SOX13: variants seen among roughly 807,000 people sequenced by gnomAD.
The protein encoded by SOX13 is SRY-box transcription factor 13.
A neutral mutation model predicts 71.8 loss-of-function variants in SOX13; 28 were observed. The observed-to-expected ratio is 0.39, with a 90% confidence interval of 0.29 to 0.53. SOX13 has a LOEUF of 0.53. SOX13 is among the 20% of genes least tolerant of loss of function. SOX13 has a pLI of 0.70. For synonymous variants in SOX13, 309 were observed against 317.8 expected (o/e 0.97, Z 0.29); for missense variants, 627 against 810.3 (o/e 0.77, Z 2.75).
In SOX13 at chr1:204,123,937, A is replaced by C. The variant is rs1431190515; in HGVS notation, c.1375+133A>C. On this transcript the variant is annotated intron_variant, in intron 12 of 13. Transcript: ENST00000367204. The surrounding 1 kb of genome is among the most constrained non-coding windows in gnomAD (Gnocchi z 5.0). ...TGGAATCTGACGACAGGGGTGCAGG[A>C]GTTGCTGGGGATGTGAGGGCAGCTG... 3 of 1,044,996 alleles carry C rather than the reference A, an allele frequency of 2.9e-6. No homozygotes were observed. The East Asian group carries it at 7.8e-5, about 27-fold the overall frequency. The allele number at this position is 1,044,996 out of a possible 1,614,324, so 64.7% of individuals were successfully genotyped here.
Position 204,123,545 on chromosome 1 carries a change from G to T in SOX13, c.1232-116G>T. ...CCTTGCTCCTCCTCGGCTGGCTGCT[G>T]TGGGAGCCTCCTCAGTGCCTCCTGC... On this transcript the variant is annotated intron_variant, in intron 11 of 13. Transcript: ENST00000367204. This position sits in a 1 kb window ranked among gnomAD's most constrained non-coding sequence, Gnocchi z 5.0. 3.5e-6 allele frequency: 4 copies of T among 1,150,472 alleles called. No individual in the cohort carries two copies. The Admixed American group carries it at 9.9e-5, about 28-fold the overall frequency. The allele number at this position is 1,150,472 out of a possible 1,614,324, so 71.3% of individuals were successfully genotyped here.
chr1:204,108,372 G>A (rs534865552), intron 1 of SOX13, among the ~76,000 whole-genome samples: 26 of 152,208 alleles, frequency 1.7e-4, no homozygotes, highest in Non-Finnish European at 3.4e-4. Flanking sequence ...GCCGCATGGG[G>A]CAAGTGGCTG....
At chr1:204,120,161 T>A (rs1287871744) in intron 7 of SOX13, among the ~76,000 whole-genome samples, 1 of 152,246 alleles carries the variant, frequency 6.6e-6, no homozygotes, top group Admixed American at 6.5e-5. Flanking sequence ...TATGGCACTT[T>A]GTTTCAACAG....
chr1:204,089,932 C>T (rs1656107002), intron 1 of SOX13, among the ~76,000 whole-genome samples: 1 of 152,192 alleles, frequency 6.6e-6, no homozygotes, highest in Non-Finnish European at 1.5e-5. Flanking sequence ...TTCAAGGGGC[C>T]AGCATTGCGT....
intron 1 of SOX13, among the ~76,000 whole-genome samples, chr1:204,093,717 GA>G (rs1191191549): frequency 3.9e-5 from 6 of 152,198 alleles, no homozygotes; most frequent in African/African-American, 7.2e-5. Flanking sequence ...CAGGCATACC[GA>G]AAGTGGAATT....
intron 4 of SOX13, among the ~76,000 whole-genome samples, chr1:204,115,492 T>A (rs28505563): frequency 0.014 from 689 of 49,936 alleles, 8 homozygotes; most frequent in South Asian, 0.02. Context: ...TTTTTTTTTT[T>A]AAAAAAAAAA....
chr1:204,085,232 C>G (rs1219773460), intron 1 of SOX13, among the ~76,000 whole-genome samples: 1 of 152,178 alleles, frequency 6.6e-6, no homozygotes, highest in Admixed American at 6.5e-5. Context: ...CAGGCAGCTT[C>G]TGGAGCCAGA....
At chr1:204,091,664 G>T (rs1369005045) in intron 1 of SOX13, among the ~76,000 whole-genome samples, 1 of 152,122 alleles carries the variant, frequency 6.6e-6, no homozygotes, top group Admixed American at 6.6e-5. Context: ...TTGAGTCCTG[G>T]CTCTGCTTCT....
intron 1 of SOX13, among the ~76,000 whole-genome samples, chr1:204,095,553 C>T (rs780103902): frequency 1.3e-5 from 2 of 152,006 alleles, no homozygotes; most frequent in African/African-American, 2.4e-5. Context: ...GTTGTCCCCT[C>T]ACCAGTCAGT....
At chr1:204,110,317 C>G (rs915319665) in intron 1 of SOX13, among the ~76,000 whole-genome samples, 2 of 148,236 alleles carry the variant, frequency 1.3e-5, no homozygotes, top group Non-Finnish European at 3.0e-5. Flanking sequence ...TTTGTAGAGA[C>G]AGGGTCTTGC....
intron 1 of SOX13, among the ~76,000 whole-genome samples, chr1:204,095,822 G>A (rs560646559): frequency 3.9e-4 from 60 of 152,004 alleles, no homozygotes; most frequent in Middle Eastern, 3.4e-3. Flanking sequence ...AAGCAATAGC[G>A]TCCCCTTCCT....
At chr1:204,105,064 C>T (rs190005021) in intron 1 of SOX13, among the ~76,000 whole-genome samples, 9 of 152,174 alleles carry the variant, frequency 5.9e-5, no homozygotes, top group East Asian at 5.8e-4. Context: ...GGAAGAGGAT[C>T]GGCACCTGCA....
chr1:204,120,896 A>G (rs1196397803), intron 7 of SOX13, among the ~76,000 whole-genome samples: 1 of 152,134 alleles, frequency 6.6e-6, no homozygotes, highest in Non-Finnish European at 1.5e-5. Flanking sequence ...CCCTGGGTTC[A>G]AATCCTGATG....
chr1:204,096,035 A>G lies in SOX13; in HGVS notation c.-1-16880A>G, dbSNP rs966729511. Among the ~76,000 whole-genome samples, 4 of 152,156 alleles carry G rather than the reference A, an allele frequency of 2.6e-5. No homozygotes were observed. The South Asian group carries it at 8.3e-4, about 31-fold the overall frequency. On this transcript the variant is annotated intron_variant, in intron 1 of 13. Coordinates refer to ENST00000367204, the MANE Select transcript of SOX13 (RefSeq NM_005686.3). ...CTTAGGGCTGATGATATTCCATTGC[A>G]TGTATATATCATACTTTGTTGATTC...
intron 1 of SOX13, among the ~76,000 whole-genome samples, chr1:204,112,569 A>G (rs1020619645): frequency 6.6e-6 from 1 of 151,622 alleles, no homozygotes. Context: ...TGTTGGGCTC[A>G]GAAACAGCCA....
chr1:204,100,538 C>G (rs957174504), intron 1 of SOX13, among the ~76,000 whole-genome samples: 1 of 152,170 alleles, frequency 6.6e-6, no homozygotes, highest in East Asian at 1.9e-4. Flanking sequence ...CTTCCCTGCC[C>G]TTATTGAAAA....
intron 12 of SOX13, 70 bp from the exon 13 acceptor site, chr1:204,124,571 G>T (rs1457448992): frequency 7.4e-7 from 1 of 1,352,984 alleles, no homozygotes. Context: ...GTCTTCTCAG[G>T]TCCTGCATGG....
rs1437870268 is a variant in SOX13 at position 204,116,672 on chromosome 1, A to T, written c.584A>T (p.Gln195Leu). The change falls in exon 5 of 14, where the codon CAG (glutamine) becomes CTG (leucine). Residue 195 changes from glutamine to leucine, a missense_variant. By Grantham distance (113) the Gln-to-Leu change is moderately radical. Transcript: ENST00000367204. ...CAGATGGAGCTTGCCCGGCAGCAGC[A>T]GGAGCAGGTAGGTCCTGTTCGGTGG... ...QQQMELARQQQEQIAKQQQQL... is the reference protein window; with the variant it reads ...QQQMELARQQLEQIAKQQQQL... The T allele has an allele frequency of 6.8e-6, 11 of 1,613,510 alleles. No individual in the cohort carries two copies. The highest frequency in any genetic ancestry group is 9.3e-6 in the Non-Finnish European group (11 of 1,179,850).
chr1:204,125,746 A>T, intron 13 of SOX13, 112 bp from the exon 14 acceptor site: 1 of 1,221,302 alleles, frequency 8.2e-7, no homozygotes, highest in Non-Finnish European at 1.1e-6. Context: ...TATAAGTCAC[A>T]GCCAAGAGTG....
Sources: allele counts gnomAD v4.1 joint callset (sites outside exome capture counted in the v4.1 genomes callset), GRCh38; gene constraint gnomAD v4.1.1; non-coding constraint Gnocchi (gnomAD v3.1); transcripts MANE v1.5; gene names NCBI Gene and HGNC (gene_info 2026-07-23, HGNC 2026-07-21).